The following L3MBTL4 variants were observed in gnomAD, a reference collection of about 807,000 sequenced individuals.
The protein encoded by L3MBTL4 is L3MBTL histone methyl-lysine binding protein 4, also known as lethal(3)malignant brain tumor-like protein 4.
Under a neutral mutation model 84.5 loss-of-function variants are expected in L3MBTL4, and 70 were observed. The observed-to-expected ratio is 0.83, with a 90% CI of 0.68 to 1.01. L3MBTL4 has a LOEUF of 1.01. L3MBTL4 is among the 50% of genes least tolerant of loss of function. L3MBTL4 has a pLI of 0.00. For missense variants in L3MBTL4, 715 were observed against 754.8 expected (o/e 0.95, Z 0.62); for synonymous variants, 274 against 259.8 (o/e 1.05, Z -0.52).
chr18:6,044,432 TAAG>T (rs1409629168), intron 16 of L3MBTL4, among the ~76,000 whole-genome samples: 1 of 152,148 alleles, frequency 6.6e-6, no homozygotes, highest in Non-Finnish European at 1.5e-5. Flanking sequence ...AACTGGCATG[TAAG>T]AAGGTGTTTC....
intron 3 of L3MBTL4, among the ~76,000 whole-genome samples, chr18:6,310,705 AC>A (rs2050787098): frequency 6.6e-6 from 1 of 152,156 alleles, no homozygotes; most frequent in Non-Finnish European, 1.5e-5. Context: ...AAAAATAATC[AC>A]CATGGAGGTC....
intron 16 of L3MBTL4, among the ~76,000 whole-genome samples, chr18:6,065,270 G>A (rs2057363881): frequency 6.6e-6 from 1 of 151,760 alleles, no homozygotes; most frequent in Admixed American, 6.6e-5. Flanking sequence ...ATTTTGTTGA[G>A]GATTTTTGCA....
intron 14 of L3MBTL4, among the ~76,000 whole-genome samples, chr18:6,106,852 T>C (rs1476844991): frequency 2.0e-5 from 3 of 152,200 alleles, no homozygotes; most frequent in African/African-American, 7.2e-5. Context: ...CACAAATCTC[T>C]GTAGAATGTC....
chr18:6,021,226 C>G (rs1480807778), intron 16 of L3MBTL4, among the ~76,000 whole-genome samples: 5 of 152,174 alleles, frequency 3.3e-5, no homozygotes, highest in Non-Finnish European at 7.3e-5. Flanking sequence ...GATAGAGGAG[C>G]TAGCCTGCTG....
intron 1 of L3MBTL4, among the ~76,000 whole-genome samples, chr18:6,349,227 A>G (rs187418615): frequency 1.3e-5 from 2 of 152,336 alleles, no homozygotes; most frequent in East Asian, 3.9e-4. Flanking sequence ...TCACCAAAAG[A>G]CATATATAAT....
chr18:6,250,690 C>T (rs961613038), intron 5 of L3MBTL4, among the ~76,000 whole-genome samples: 7 of 152,184 alleles, frequency 4.6e-5, no homozygotes, highest in Non-Finnish European at 4.4e-5. Flanking sequence ...CACATTTTAA[C>T]ATGTTATACA....
intron 1 of L3MBTL4, among the ~76,000 whole-genome samples, chr18:6,349,299 T>C (rs917362620): frequency 6.6e-6 from 1 of 152,218 alleles, no homozygotes; most frequent in Non-Finnish European, 1.5e-5. Context: ...CATCCATTTA[T>C]AGTAGAATGA....
intron 16 of L3MBTL4, among the ~76,000 whole-genome samples, chr18:6,045,602 T>C (rs2056582890): frequency 6.6e-6 from 1 of 152,158 alleles, no homozygotes; most frequent in African/African-American, 2.4e-5. Flanking sequence ...TCAGACCTCA[T>C]GAGACTCACC....
chr18:6,070,225 A>G (rs2057539571), intron 16 of L3MBTL4, among the ~76,000 whole-genome samples: 1 of 152,186 alleles, frequency 6.6e-6, no homozygotes, highest in Admixed American at 6.5e-5. Context: ...TAAAGAGACA[A>G]ATATAAGGCA....
rs556115821 is a variant in L3MBTL4, at chr18:5,994,723, G to A, written c.1445-25161C>T. ...AAGAGGTCACCTCCAGGAGGTAAGCGACTCCACCAAGCAGGGGCCCCAATA... is the reference window on the plus strand; with the variant it reads ...AAGAGGTCACCTCCAGGAGGTAAGCAACTCCACCAAGCAGGGGCCCCAATA... On this transcript the variant is annotated intron_variant, in intron 16 of 18. Coordinates refer to ENST00000317931, the MANE Select transcript of L3MBTL4 (RefSeq NM_001330559.2). 1.4e-4 allele frequency among the ~76,000 whole-genome samples: 21 copies of A among 152,240 alleles called. No individual in the cohort carries two copies. In the East Asian group the frequency reaches 3.3e-3, roughly 24 times the overall value.
At chr18:6,392,895 G>A (rs1352676403) in intron 1 of L3MBTL4, among the ~76,000 whole-genome samples, 1 of 152,028 alleles carries the variant, frequency 6.6e-6, no homozygotes, top group Non-Finnish European at 1.5e-5. Context: ...CATATAGAGT[G>A]GTATCAAGAA....
intron 12 of L3MBTL4, among the ~76,000 whole-genome samples, chr18:6,180,625 T>A (rs1354301638): frequency 6.6e-6 from 1 of 152,254 alleles, no homozygotes; most frequent in Non-Finnish European, 1.5e-5. Context: ...ACTATAGGTA[T>A]TCTAAACCTA....
chr18:6,043,593 T>C (rs1472186930), intron 16 of L3MBTL4, among the ~76,000 whole-genome samples: 2 of 152,200 alleles, frequency 1.3e-5, no homozygotes, highest in Non-Finnish European at 2.9e-5. Context: ...ATCTTCATTA[T>C]AGCACTGCCA....
At chr18:6,038,610 C>T (rs1337050476) in intron 16 of L3MBTL4, among the ~76,000 whole-genome samples, 1 of 152,052 alleles carries the variant, frequency 6.6e-6, no homozygotes, top group Non-Finnish European at 1.5e-5. Flanking sequence ...AAGACAGCAA[C>T]ATTGATGGGG....
chr18:6,152,820 G>A (rs543816961), intron 13 of L3MBTL4, among the ~76,000 whole-genome samples: 7 of 152,122 alleles, frequency 4.6e-5, no homozygotes, highest in African/African-American at 1.7e-4. Flanking sequence ...CCAATGTCTT[G>A]ATAAAGCTTT....
intron 14 of L3MBTL4, among the ~76,000 whole-genome samples, chr18:6,113,048 G>A (rs1020931939): frequency 3.3e-5 from 5 of 152,072 alleles, no homozygotes; most frequent in African/African-American, 9.7e-5. Context: ...CCGGCACATC[G>A]CAGAACAGAG....
At chr18:5,956,697 T>G (rs2095228947) in intron 18 of L3MBTL4, among the ~76,000 whole-genome samples, 1 of 152,268 alleles carries the variant, frequency 6.6e-6, no homozygotes, top group Non-Finnish European at 1.5e-5. Flanking sequence ...GGCTTGAATT[T>G]GTATCAAGAG....
At chr18:6,003,066 ATT>A (rs1234443176) in intron 16 of L3MBTL4, among the ~76,000 whole-genome samples, 153 of 111,124 alleles carry the variant, frequency 1.4e-3, no homozygotes, top group Admixed American at 2.6e-3. Context: ...TAGTATCTCT[ATT>A]TATAGAGATA....
intron 16 of L3MBTL4, among the ~76,000 whole-genome samples, chr18:6,009,147 A>G (rs1475147026): frequency 6.6e-6 from 1 of 152,198 alleles, no homozygotes; most frequent in Non-Finnish European, 1.5e-5. Flanking sequence ...GCAGGCAAAG[A>G]TTCTTAGTTA....
Sources: allele counts gnomAD v4.1 joint callset (sites outside exome capture counted in the v4.1 genomes callset), GRCh38; gene constraint gnomAD v4.1.1; transcripts MANE v1.5; gene names NCBI Gene and HGNC (gene_info 2026-07-23, HGNC 2026-07-21).